Variants in SS18L1 observed in about 807,000 individuals in gnomAD.
SS18L1 encodes calcium-responsive transactivator.
In SS18L1, 32 loss-of-function variants were observed where a neutral mutation model predicts 70.3. The observed-to-expected ratio is 0.46, with a 90% CI of 0.34 to 0.61. The LOEUF is 0.61. Ranked by LOEUF, SS18L1 falls within the 20% of genes least tolerant of loss-of-function variation. The pLI is 0.01. For synonymous variants in SS18L1, 237 were observed against 229.7 expected, an observed-to-expected ratio of 1.03 and a Z score of -0.29; for missense variants, 430 against 542.1, an observed-to-expected ratio of 0.79 and a Z score of 2.05.
At chr20:62,160,960 G>A (rs371986860) in intron 3 of SS18L1, among the ~76,000 whole-genome samples, 5 of 151,926 alleles carry the variant, frequency 3.3e-5, no homozygotes, top group East Asian at 1.9e-4. Flanking sequence ...GATCCGAGGC[G>A]GGTGTGGGGT....
At position 62,159,274 on chromosome 20, in the gene SS18L1, G is replaced by A. The variant is rs190342648; in HGVS notation, c.146+526G>A. 3.3e-5 allele frequency among the ~76,000 whole-genome samples: 5 copies of A among 152,280 alleles called. No homozygotes were observed. Among genetic ancestry groups the A allele is most frequent in the African/African-American group, 7.2e-5 (3 of 41,558 alleles). On this transcript the variant is annotated intron_variant, in intron 2 of 10. Coordinates refer to ENST00000331758, the MANE Select transcript of SS18L1 (RefSeq NM_198935.3). The surrounding 1 kb of genome is among the most constrained non-coding windows in gnomAD (Gnocchi z 4.4). Reference sequence around the variant, plus strand: ...AGGGCCTGATGCGTAGGAGGGGTGCGTGGCCAGTCTGCCACCCTCCAAGCG... The same window carrying A: ...AGGGCCTGATGCGTAGGAGGGGTGCATGGCCAGTCTGCCACCCTCCAAGCG...
intron 10 of SS18L1, among the ~76,000 whole-genome samples, chr20:62,177,981 CTG>C (rs1175560343): frequency 7.0e-6 from 1 of 142,236 alleles, no homozygotes; most frequent in Non-Finnish European, 1.5e-5. Context: ...AGTGCTGGGA[CTG>C]TAATCCTACA....
chr20:62,150,500 G>A (rs1045595704), intron 1 of SS18L1, among the ~76,000 whole-genome samples: 6 of 152,252 alleles, frequency 3.9e-5, no homozygotes, highest in African/African-American at 1.4e-4. Flanking sequence ...CACGCCATGC[G>A]TGGGGAGTGC....
In SS18L1 at chr20:62,180,188, CCAAG is replaced by C. The variant is rs1444267501; in HGVS notation, c.*987_*990del. The C allele has an allele frequency of 9.7e-6, 2 of 207,188 alleles. No homozygotes were observed. Among genetic ancestry groups the C allele is most frequent in the Non-Finnish European group, 2.0e-5 (2 of 101,746 alleles). The allele number at this position is 207,188 out of a possible 1,614,324, so 12.8% of individuals were successfully genotyped here. On this transcript the variant is annotated 3_prime_UTR_variant, in exon 11 of 11. Coordinates refer to ENST00000331758, the MANE Select transcript of SS18L1 (RefSeq NM_198935.3). ...TTCCAGGACCTACTTGCTCAGATCT[CCAAG>C]CAAGCATTTCTTTTCTTTTAGGGAT...
chr20:62,153,927 C>T (rs551423471), intron 1 of SS18L1, among the ~76,000 whole-genome samples: 45 of 152,154 alleles, frequency 3.0e-4, no homozygotes, highest in Admixed American at 1.9e-3. Flanking sequence ...TCCCTTCACT[C>T]GACTGCTGGC....
rs1450478228 is a variant in SS18L1 at position 62,179,370 on chromosome 20, C to T, written c.*162C>T. The T allele has an allele frequency of 1.6e-5, 12 of 742,280 alleles. No homozygotes were observed. The highest frequency in any genetic ancestry group is 1.1e-4 in the East Asian group (4 of 37,860). 46.0% of individuals were successfully genotyped at this position (742,280 alleles called of 1,614,324 possible). A position where few individuals can be genotyped will look rare whatever the true frequency, so the allele number is the denominator to read the frequency against. On this transcript the variant is annotated 3_prime_UTR_variant, in exon 11 of 11. Transcript: ENST00000331758. ...ATTTCATGCTGGGTATGACGCCGAG[C>T]GCACACCACTGGCGTGAGACAGCGC...
At chr20:62,152,089 G>A (rs974069587) in intron 1 of SS18L1, among the ~76,000 whole-genome samples, 5 of 151,822 alleles carry the variant, frequency 3.3e-5, no homozygotes, top group South Asian at 2.1e-4. Context: ...CCATCGGGCC[G>A]CCCTTCCCCC....
chr20:62,177,290 A>AT (rs2057636275), intron 10 of SS18L1, among the ~76,000 whole-genome samples: 1 of 152,124 alleles, frequency 6.6e-6, no homozygotes, highest in African/African-American at 2.4e-5. Flanking sequence ...AAAAAAAAAA[A>AT]AAGGTGCTGA....
Position 62,158,373 on chromosome 20 carries a change from C to T in SS18L1, c.70-299C>T, listed in dbSNP as rs529833555. Reference sequence around the variant, plus strand: ...ACGACAGTTTCGTATACAGAACAGGCGTAGCATCCGAGATCTGGAAATTTG... The same window carrying T: ...ACGACAGTTTCGTATACAGAACAGGTGTAGCATCCGAGATCTGGAAATTTG... On this transcript the variant is annotated intron_variant, in intron 1 of 10. Transcript: ENST00000331758. The surrounding 1 kb of genome is among the most constrained non-coding windows in gnomAD (Gnocchi z 4.5). Among the ~76,000 whole-genome samples the T allele has an allele frequency of 7.9e-5, 12 of 151,272 alleles. No individual in the cohort carries two copies. The highest frequency in any genetic ancestry group is 2.4e-4 in the African/African-American group (10 of 41,170).
chr20:62,179,697 CTCT>C lies in SS18L1; in HGVS notation c.*492_*494del. The C allele has an allele frequency of 7.6e-6, 1 of 131,082 alleles. No homozygotes were observed. Among genetic ancestry groups the C allele is most frequent in the African/African-American group, 2.9e-5 (1 of 34,466 alleles). The allele number at this position is 131,082 out of a possible 1,614,324, so 8.1% of individuals were successfully genotyped here. On this transcript the variant is annotated 3_prime_UTR_variant, in exon 11 of 11. Coordinates refer to ENST00000331758, the MANE Select transcript of SS18L1 (RefSeq NM_198935.3). ...ACACATGCAGCCCCTGGAGGGCAGC[CTCT>C]TCCTGTGCCTCGATGGGGTGGGTGG...
intron 4 of SS18L1, among the ~76,000 whole-genome samples, chr20:62,162,120 C>T (rs1420746511): frequency 3.9e-5 from 6 of 152,102 alleles, no homozygotes; most frequent in African/African-American, 9.7e-5. Context: ...GTTAAATACT[C>T]GGGAGACTGA....
In SS18L1 at chr20:62,182,033, G is replaced by C. The variant is rs1158879319; in HGVS notation, c.*2825G>C. On this transcript the variant is annotated 3_prime_UTR_variant, in exon 11 of 11. Transcript: ENST00000331758. Reference sequence around the variant, plus strand: ...TCATCACCCATTAAGGTTTGTTGTTGAATCAACAGTACTCAGCATATTAAA... The same window carrying C: ...TCATCACCCATTAAGGTTTGTTGTTCAATCAACAGTACTCAGCATATTAAA... 4.4e-6 allele frequency: 1 copy of C among 229,370 alleles called. No homozygotes were observed. Among genetic ancestry groups the C allele is most frequent in the Non-Finnish European group, 8.6e-6 (1 of 115,742 alleles). The allele number at this position is 229,370 out of a possible 1,614,324, so 14.2% of individuals were successfully genotyped here.
At chr20:62,164,355 A>G (rs146717877) in intron 7 of SS18L1, 109 bp downstream of exon 7, 1 of 1,145,386 alleles carries the variant, frequency 8.7e-7, no homozygotes, top group East Asian at 2.6e-5. Flanking sequence ...GTCCTCAGTC[A>G]TTCCAGCTCA....
intron 1 of SS18L1, chr20:62,154,287 A>G (rs2057183919): frequency 1.9e-6 from 2 of 1,027,056 alleles, no homozygotes; most frequent in Non-Finnish European, 1.2e-6. Context: ...ACAGTTTTTG[A>G]AGAATGCCGG....
In SS18L1 at chr20:62,167,042, G is replaced by GTTT. The variant is rs1216570693; in HGVS notation, c.916+1547_916+1549dup. 5.1e-3 allele frequency among the ~76,000 whole-genome samples: 446 copies of GTTT among 88,096 alleles called. 23 individuals are homozygous for GTTT. Among genetic ancestry groups the GTTT allele is most frequent in the African/African-American group, 0.018 (326 of 18,092 alleles). 57.8% of individuals were successfully genotyped at this position (88,096 alleles called of 152,430 possible). On this transcript the variant is annotated intron_variant, in intron 8 of 10. Transcript: ENST00000331758. ...ATTGCTTGAGCTCAGGAGTTTGTTT[G>GTTT]TTTTTTTTTTTTTTTTTTTTTGAGA... is the stretch of plus-strand genomic sequence containing the variant.
At position 62,164,258 on chromosome 20, in the gene SS18L1, C is replaced by T. The variant is rs184123685; in HGVS notation, c.823+12C>T. Reference sequence around the variant, plus strand: ...GTACTACCCCGACGGTGAGCACTGGCGGCGGCCTGACCCCGCCCAGGAACG... The same window carrying T: ...GTACTACCCCGACGGTGAGCACTGGTGGCGGCCTGACCCCGCCCAGGAACG... On this transcript the variant is annotated intron_variant, in intron 7 of 10. Transcript: ENST00000331758. The T allele has an allele frequency of 8.3e-5, 128 of 1,543,338 alleles. No individual in the cohort carries two copies. The highest frequency in any genetic ancestry group is 5.4e-4 in the South Asian group (45 of 83,362).
rs139283084 is a variant in SS18L1 at position 62,176,194 on chromosome 20, C to T, written c.1164+1550C>T. On this transcript the variant is annotated intron_variant, in intron 10 of 10. Coordinates refer to ENST00000331758, the MANE Select transcript of SS18L1 (RefSeq NM_198935.3). ...GTCCTAACTTAATTATAAGACTGAA[C>T]CAGAGGACATATAACTTTATACCTA... is the stretch of plus-strand genomic sequence containing the variant. 2.3e-3 allele frequency among the ~76,000 whole-genome samples: 353 copies of T among 152,318 alleles called. 3 individuals carry two copies. The highest frequency in any genetic ancestry group is 8.1e-3 in the African/African-American group (336 of 41,574).
At chr20:62,145,148 A>T (rs2057001126) in intron 1 of SS18L1, among the ~76,000 whole-genome samples, 1 of 152,244 alleles carries the variant, frequency 6.6e-6, no homozygotes, top group Non-Finnish European at 1.5e-5. Flanking sequence ...ATTTTAATTT[A>T]CTTAGTAAAC....
At chr20:62,167,069 G>A (rs1250266712) in intron 8 of SS18L1, among the ~76,000 whole-genome samples, 2 of 93,400 alleles carry the variant, frequency 2.1e-5, no homozygotes, top group Non-Finnish European at 3.8e-5. Context: ...TTTTTGAGAC[G>A]GAGTCTCACT....
Sources: gnomAD v4.1 joint callset for allele counts (sites outside exome capture counted in the v4.1 genomes callset) on GRCh38, gnomAD v4.1.1 for gene constraint, Gnocchi (gnomAD v3.1) non-coding constraint, MANE v1.5 for transcripts, NCBI Gene and HGNC (gene_info 2026-07-23, HGNC 2026-07-21) for gene names.